SRP19: variants seen among roughly 807,000 people sequenced by gnomAD.
SRP19 encodes the protein signal recognition particle 19 kDa protein.
A neutral mutation model predicts 22.4 loss-of-function variants in SRP19; 11 were observed. The ratio of observed to expected loss-of-function variants is 0.49; its 90% CI spans 0.31 to 0.81. The LOEUF is 0.81. SRP19 is among the 40% of genes least tolerant of loss of function. SRP19 has a pLI of 0.05. For missense variants in SRP19, 168 were observed against 175.9 expected (o/e 0.96, Z 0.25); for synonymous variants, 61 against 57.6 (o/e 1.06, Z -0.27).
At chr5:112,893,445 G>A (rs1580740373), downstream of SRP19, 1 of 174,918 alleles carries the variant, frequency 5.7e-6, no homozygotes, top group East Asian at 1.6e-4. Flanking sequence ...GAACTACACA[G>A]CCTGCTTTCC....
In SRP19 at chr5:112,893,014, C is replaced by T. The variant is rs61747099; in HGVS notation, c.*1407C>T. ...CCGGAGCCAAAGTTCCTCTAGGTGC[C>T]GAAGTCGTGGGAGGAGGAAGTCGGG... On this transcript the variant is annotated 3_prime_UTR_variant, in exon 5 of 5. Transcript: ENST00000391338. 9,466 of 1,554,202 alleles carry T rather than the reference C, an allele frequency of 6.1e-3. 491 individuals are homozygous for T. The African/African-American group carries it at 0.11, about 19-fold the overall frequency.
downstream of SRP19, chr5:112,893,208 G>A (rs575700626): frequency 1.1e-3 from 464 of 412,058 alleles, 2 homozygotes; most frequent in Non-Finnish European, 1.7e-3. Context: ...TCAGGAGTTT[G>A]AGGCCAGCCT....
downstream of SRP19, among the ~76,000 whole-genome samples, chr5:112,870,202 C>G (rs1767726880): frequency 6.6e-6 from 1 of 152,098 alleles, no homozygotes; most frequent in Admixed American, 6.5e-5. Flanking sequence ...AGAATGCATA[C>G]TGGGTCAGGT....
chr5:112,894,849 C>G (rs1451801622), downstream of SRP19: 1 of 152,148 alleles, frequency 6.6e-6, no homozygotes, highest in Admixed American at 6.5e-5. Context: ...CATAGAATAT[C>G]TGATTTTCAG....
chr5:112,898,266 A>T (rs1768752771), exon 4 of SRP19: 1 of 152,176 alleles, frequency 6.6e-6, no homozygotes, highest in African/African-American at 2.4e-5. Context: ...GTATGCCACT[A>T]ATGTAGGAAG....
In SRP19 at chr5:112,878,554, A is replaced by AAAT. The variant is rs1767966361; in HGVS notation, c.302-13047_302-13045dup. ...ATACATCTTTTCCTACCCAGAGGCAAAATACATTTTCCAAAAACGTGGACA... is the reference window on the plus strand; with the variant it reads ...ATACATCTTTTCCTACCCAGAGGCAAAATAATACATTTTCCAAAAACGTGGACA... On this transcript the variant is annotated intron_variant, in intron 4 of 4. Transcript: ENST00000391338. 4 of 526,342 alleles carry AAAT rather than the reference A, an allele frequency of 7.6e-6. No homozygotes were observed. In the South Asian group the frequency reaches 1.4e-4, roughly 19 times the overall value. 32.6% of individuals were successfully genotyped at this position (526,342 alleles called of 1,614,324 possible). A position where few individuals can be genotyped will look rare whatever the true frequency, so the allele number is the denominator to read the frequency against.
At chr5:112,892,150 G>A in exon 5 of SRP19, 1 of 1,614,188 alleles carries the variant, frequency 6.2e-7, no homozygotes, top group Non-Finnish European at 8.5e-7. Flanking sequence ...CAGAGTAATG[G>A]AGAAGGATCG....
chr5:112,883,174 A>T (rs140487514), intron 4 of SRP19, among the ~76,000 whole-genome samples: 2 of 152,266 alleles, frequency 1.3e-5, no homozygotes, highest in Non-Finnish European at 2.9e-5. Flanking sequence ...TCTTCCAGTT[A>T]TAGCCCCATT....
At chr5:112,891,692 A>C in exon 5 of SRP19, 1 of 1,614,076 alleles carries the variant, frequency 6.2e-7, no homozygotes, top group Non-Finnish European at 8.5e-7. Flanking sequence ...TTTCCAGAGA[A>C]ACCAAGCCAC....
intron 2 of SRP19, among the ~76,000 whole-genome samples, chr5:112,864,107 C>T (rs1011764341): frequency 2.6e-5 from 4 of 152,176 alleles, no homozygotes; most frequent in Admixed American, 1.3e-4. Flanking sequence ...TAGATACTAG[C>T]AGTTTTCTAA....
In SRP19 at chr5:112,867,630, G is replaced by C. The variant is rs1241443782; in HGVS notation, c.*93G>C. The C allele has an allele frequency of 1.4e-6, 2 of 1,405,120 alleles. No individual in the cohort carries two copies. Among genetic ancestry groups the C allele is most frequent in the Non-Finnish European group, 1.9e-6 (2 of 1,074,818 alleles). The allele number at this position is 1,405,120 out of a possible 1,614,324, so 87.0% of individuals were successfully genotyped here. On this transcript the variant is annotated 3_prime_UTR_variant, in exon 5 of 5. Transcript: ENST00000505459. Reference sequence around the variant, plus strand: ...GGAGGGAAACAGAAGCTTTTTGTTTGCATCATTTAACTGAACTGTGAACCC... The same window carrying C: ...GGAGGGAAACAGAAGCTTTTTGTTTCCATCATTTAACTGAACTGTGAACCC...
chr5:112,884,031 C>G (rs751221126), intron 4 of SRP19, among the ~76,000 whole-genome samples: 53 of 152,322 alleles, frequency 3.5e-4, no homozygotes, highest in Middle Eastern at 3.4e-3. Context: ...TCACCTCCAG[C>G]CAGATCACTG....
intron 2 of SRP19, 24 bp from the exon 3 acceptor site, chr5:112,864,433 G>A: frequency 6.3e-7 from 1 of 1,596,614 alleles, no homozygotes; most frequent in South Asian, 1.1e-5. Context: ...CATATATTTA[G>A]TGTTTATGTT....
downstream of SRP19, chr5:112,893,111 A>T: frequency 1.0e-6 from 1 of 988,826 alleles, no homozygotes; most frequent in Non-Finnish European, 1.5e-6. Context: ...AAAAAAAAAA[A>T]AAAAAAGAAT....
intron 4 of SRP19, among the ~76,000 whole-genome samples, chr5:112,880,716 T>C (rs763478235): frequency 1.3e-5 from 2 of 152,216 alleles, no homozygotes; most frequent in African/African-American, 4.8e-5. Context: ...ATTTTAAGTA[T>C]TGATATCTAA....
chr5:112,868,320 T>G lies in SRP19; in HGVS notation c.*783T>G. ...TTTTGAGCTATCCCAATTCCTGTTCTTCCTGAGGCCTGGTTTAGCTCTTCC... is the reference window on the plus strand; with the variant it reads ...TTTTGAGCTATCCCAATTCCTGTTCGTCCTGAGGCCTGGTTTAGCTCTTCC... On this transcript the variant is annotated 3_prime_UTR_variant, in exon 5 of 5. Transcript: ENST00000505459. 1.0e-6 allele frequency: 1 copy of G among 985,896 alleles called. No homozygotes were observed. The highest frequency in any genetic ancestry group is 1.2e-6 in the Non-Finnish European group (1 of 830,206). 61.1% of individuals were successfully genotyped at this position (985,896 alleles called of 1,614,324 possible). A position where few individuals can be genotyped will look rare whatever the true frequency, so the allele number is the denominator to read the frequency against.
Position 112,861,295 on chromosome 5 carries a change from T to C in SRP19, c.-82T>C. ...ACTTCCGGCGGAAAAGCGGGCTGTC[T>C]CGGAAACTCAGAGCCGGGTTCCTCC... On this transcript the variant is annotated 5_prime_UTR_variant, in exon 1 of 5. Coordinates refer to ENST00000505459, the MANE Select transcript of SRP19 (RefSeq NM_003135.3). 2 of 1,547,582 alleles carry C rather than the reference T, an allele frequency of 1.3e-6. No homozygotes were observed. The highest frequency in any genetic ancestry group is 1.8e-6 in the Non-Finnish European group (2 of 1,119,794).
intron 4 of SRP19, chr5:112,878,507 A>C: frequency 4.8e-6 from 2 of 420,112 alleles, no homozygotes; most frequent in South Asian, 1.0e-4. Context: ...TTTTAAGTTT[A>C]TATTTCCTGC....
At chr5:112,862,714 A>G (rs893909539) in intron 2 of SRP19, 131 bp downstream of exon 2, 36 of 765,542 alleles carry the variant, frequency 4.7e-5, no homozygotes, top group Non-Finnish European at 7.3e-5. Context: ...AACACAGCCA[A>G]GAATTGGGGT....
Sources: allele counts gnomAD v4.1 joint callset (sites outside exome capture counted in the v4.1 genomes callset), GRCh38; gene constraint gnomAD v4.1.1; transcripts MANE v1.5; gene names NCBI Gene and HGNC (gene_info 2026-07-23, HGNC 2026-07-21).